PCDH9: variants seen among roughly 807,000 people sequenced by gnomAD.
PCDH9 encodes protocadherin-9.
Under a neutral mutation model 70.6 loss-of-function variants are expected in PCDH9, and 24 were observed. The observed-to-expected ratio is 0.34, with a 90% CI of 0.25 to 0.48. The LOEUF is 0.48. Among genes scored for constraint, PCDH9 ranks in the 20% least tolerant of loss-of-function variants. PCDH9 has a pLI of 0.99. For missense variants in PCDH9, 1,281 were observed against 1,503.6 expected (o/e 0.85, Z 2.45); for synonymous variants, 562 against 558.5 (o/e 1.01, Z -0.09).
In PCDH9 at chr13:66,983,295, A is replaced by T. The variant is rs1040386170; in HGVS notation, c.3037-79690T>A. On this transcript the variant is annotated intron_variant, in intron 2 of 4. Transcript: ENST00000377865. ...GATTAGGCATTTGGCACATAAAAAA[A>T]TTTAAAAATTAAAAAAATAAAAAGT... Among the ~76,000 whole-genome samples, 21 of 152,298 alleles carry T rather than the reference A, an allele frequency of 1.4e-4. No individual in the cohort carries two copies. In the South Asian group the frequency reaches 1.9e-3, roughly 14 times the overall value.
intron 3 of PCDH9, among the ~76,000 whole-genome samples, chr13:66,898,025 G>A (rs887203841): frequency 6.6e-6 from 1 of 151,976 alleles, no homozygotes; most frequent in Admixed American, 6.6e-5. Flanking sequence ...TTTCTGAGGT[G>A]CAGTTTTGGA....
chr13:66,952,277 G>T (rs1230522979), intron 2 of PCDH9, among the ~76,000 whole-genome samples: 1 of 152,078 alleles, frequency 6.6e-6, no homozygotes, highest in East Asian at 1.9e-4. Flanking sequence ...ATTGAGTGAT[G>T]TTCAACCTCC....
chr13:66,471,018 A>T (rs150755979), intron 4 of PCDH9, among the ~76,000 whole-genome samples: 1 of 151,652 alleles, frequency 6.6e-6, no homozygotes, highest in Non-Finnish European at 1.5e-5. Context: ...AACTGTTAAG[A>T]TCTGATTAGA....
intron 4 of PCDH9, among the ~76,000 whole-genome samples, chr13:66,609,713 T>A (rs1476626811): frequency 1.3e-5 from 2 of 152,040 alleles, no homozygotes; most frequent in African/African-American, 4.8e-5. Context: ...ATTTGAAAAA[T>A]TATTAAAGGT....
At chr13:66,422,595 C>A (rs1284332562) in intron 4 of PCDH9, among the ~76,000 whole-genome samples, 1 of 152,120 alleles carries the variant, frequency 6.6e-6, no homozygotes, top group Non-Finnish European at 1.5e-5. Context: ...TAATTAAGTT[C>A]TTTGAAACCA....
chr13:66,323,292 A>T (rs979176806), intron 4 of PCDH9: 13 of 152,034 alleles, frequency 8.6e-5, no homozygotes, highest in Admixed American at 8.5e-4. Flanking sequence ...TCAAAAATTA[A>T]CTTTAGGAAA....
At chr13:66,788,705 A>G (rs2080117907) in intron 3 of PCDH9, among the ~76,000 whole-genome samples, 1 of 142,512 alleles carries the variant, frequency 7.0e-6, no homozygotes, top group Non-Finnish European at 1.5e-5. Context: ...TTAAAGGCTC[A>G]AGGGAAAAAT....
intron 2 of PCDH9, among the ~76,000 whole-genome samples, chr13:67,161,742 A>G (rs1278923820): frequency 6.6e-6 from 1 of 152,188 alleles, no homozygotes. Context: ...GAGCAGGGAG[A>G]GGGAAATTAG....
intron 3 of PCDH9, among the ~76,000 whole-genome samples, chr13:66,893,353 C>A (rs1308706309): frequency 6.6e-6 from 1 of 152,106 alleles, no homozygotes; most frequent in African/African-American, 2.4e-5. Context: ...GTCTCCAATC[C>A]TGGGTCTGCT....
intron 4 of PCDH9, among the ~76,000 whole-genome samples, chr13:66,587,912 A>G (rs1341831899): frequency 6.6e-6 from 1 of 152,084 alleles, no homozygotes; most frequent in Admixed American, 6.6e-5. Context: ...ATAATAATTC[A>G]TGAACTTTCA....
intron 2 of PCDH9, among the ~76,000 whole-genome samples, chr13:67,081,388 G>A (rs1222051979): frequency 6.6e-6 from 1 of 152,118 alleles, no homozygotes; most frequent in African/African-American, 2.4e-5. Context: ...GACCAACATG[G>A]TGAAACTCCA....
chr13:66,921,574 A>G (rs907811185), intron 2 of PCDH9, among the ~76,000 whole-genome samples: 1 of 151,294 alleles, frequency 6.6e-6, no homozygotes, highest in African/African-American at 2.4e-5. Flanking sequence ...AATTTGCCAC[A>G]TGAATACACA....
intron 2 of PCDH9, among the ~76,000 whole-genome samples, chr13:66,937,671 T>C (rs2082939014): frequency 6.6e-6 from 1 of 152,216 alleles, no homozygotes; most frequent in African/African-American, 2.4e-5. Flanking sequence ...CTTGTAACAA[T>C]GGCTGAGTAT....
At chr13:66,516,313 A>T (rs968331435) in intron 4 of PCDH9, among the ~76,000 whole-genome samples, 7 of 152,014 alleles carry the variant, frequency 4.6e-5, no homozygotes, top group Non-Finnish European at 1.0e-4. Flanking sequence ...GTAAAGCTGT[A>T]ATATTACTCA....
chr13:66,305,292 A>G (rs1445098033), intron 4 of PCDH9, among the ~76,000 whole-genome samples: 1 of 152,048 alleles, frequency 6.6e-6, no homozygotes, highest in African/African-American at 2.4e-5. Context: ...TAGATAGATA[A>G]AAAGACAGAT....
chr13:66,875,580 A>G (rs2081792439), intron 3 of PCDH9, among the ~76,000 whole-genome samples: 1 of 152,130 alleles, frequency 6.6e-6, no homozygotes, highest in Non-Finnish European at 1.5e-5. Flanking sequence ...TCCAATGTCT[A>G]TTTCAGTGAA....
intron 4 of PCDH9, among the ~76,000 whole-genome samples, chr13:66,614,025 C>T (rs962908592): frequency 1.3e-5 from 2 of 150,212 alleles, no homozygotes; most frequent in Non-Finnish European, 3.0e-5. Context: ...AGTAACCACA[C>T]CGTAACTAAG....
intron 2 of PCDH9, among the ~76,000 whole-genome samples, chr13:67,189,514 C>G (rs187855347): frequency 1.3e-5 from 2 of 152,110 alleles, no homozygotes; most frequent in Admixed American, 1.3e-4. Context: ...TGGTTAGTGA[C>G]TACTTCTTTG....
chr13:67,107,570 T>G (rs956568022), intron 2 of PCDH9, among the ~76,000 whole-genome samples: 3 of 152,152 alleles, frequency 2.0e-5, no homozygotes, highest in African/African-American at 7.2e-5. Flanking sequence ...TGGACATTGT[T>G]GGGAGGACCT....
Sources: gnomAD v4.1 joint callset for allele counts (sites outside exome capture counted in the v4.1 genomes callset) on GRCh38, gnomAD v4.1.1 for gene constraint, MANE v1.5 for transcripts, NCBI Gene and HGNC (gene_info 2026-07-23, HGNC 2026-07-21) for gene names.